The following DCC variants were observed in gnomAD, a reference collection of about 807,000 sequenced individuals.
DCC encodes netrin receptor DCC.
DCC carries 58 observed loss-of-function variants against 172.5 expected under a neutral mutation model. The observed-to-expected ratio is 0.34, with a 90% CI of 0.27 to 0.42. The LOEUF (loss-of-function observed/expected upper bound fraction) is 0.42, where lower values mean the gene tolerates loss of function less well. Ranked by LOEUF, DCC falls within the 10% of genes least tolerant of loss-of-function variation. The pLI is 1.00. For missense variants in DCC, 1,740 were observed against 1,791.0 expected (o/e 0.97, Z 0.51); for synonymous variants, 709 against 644.5 (o/e 1.10, Z -1.52).
chr18:53,406,399 A>G (rs564629262), intron 19 of DCC, among the ~76,000 whole-genome samples: 8 of 98,996 alleles, frequency 8.1e-5, no homozygotes, highest in African/African-American at 1.6e-4. Flanking sequence ...AGGGATTCTG[A>G]GGTTTAAAAA....
intron 8 of DCC, among the ~76,000 whole-genome samples, chr18:53,173,218 T>C (rs1476565719): frequency 6.6e-6 from 1 of 152,078 alleles, no homozygotes; most frequent in South Asian, 2.1e-4. Flanking sequence ...TTTCTTAGCC[T>C]TACCTACTTT....
In DCC at chr18:53,361,954, T is replaced by C. The variant is rs563526480; in HGVS notation, c.2359+22047T>C. Among the ~76,000 whole-genome samples, 48 of 152,290 alleles carry C rather than the reference T, an allele frequency of 3.2e-4. 1 individual carries two copies. The South Asian group carries it at 8.9e-3, about 28-fold the overall frequency. ...TCTGAGCAGACATTAGGGAATTCTA[T>C]AAAAGTATTGGACAAAACAGTACTT... is the stretch of plus-strand genomic sequence containing the variant. On this transcript the variant is annotated intron_variant, in intron 15 of 28. Coordinates refer to ENST00000442544, the MANE Select transcript of DCC (RefSeq NM_005215.4).
intron 1 of DCC, among the ~76,000 whole-genome samples, chr18:52,653,425 G>C (rs546378524): frequency 9.9e-5 from 15 of 152,146 alleles, no homozygotes; most frequent in South Asian, 4.1e-4. Flanking sequence ...AAAATTCTAT[G>C]TGGCAAGAAA....
At chr18:52,465,216 C>T (rs1020290534) in intron 1 of DCC, among the ~76,000 whole-genome samples, 5 of 152,068 alleles carry the variant, frequency 3.3e-5, no homozygotes, top group African/African-American at 1.2e-4. Context: ...TAGTAAAGTA[C>T]TAGAAATTGC....
chr18:52,543,817 A>G (rs1319847072), intron 1 of DCC, among the ~76,000 whole-genome samples: 1 of 152,194 alleles, frequency 6.6e-6, no homozygotes, highest in Non-Finnish European at 1.5e-5. Flanking sequence ...CATTGAGCTG[A>G]GCATCCTGTT....
chr18:52,581,089 A>G (rs1220755131), intron 1 of DCC, among the ~76,000 whole-genome samples: 1 of 152,194 alleles, frequency 6.6e-6, no homozygotes, highest in Non-Finnish European at 1.5e-5. Flanking sequence ...GCCATCAATT[A>G]TAACTTACAT....
At chr18:53,516,104 A>G (rs908950342) in intron 27 of DCC, among the ~76,000 whole-genome samples, 8 of 149,264 alleles carry the variant, frequency 5.4e-5, no homozygotes, top group African/African-American at 2.1e-4. Context: ...AAACAGAGAT[A>G]TAGATCAATG....
At chr18:52,760,619 C>T (rs75292330) in intron 2 of DCC, among the ~76,000 whole-genome samples, 4,886 of 152,226 alleles carry the variant, frequency 0.032, 116 homozygotes, top group Non-Finnish European at 0.046. Flanking sequence ...TTATACAATT[C>T]TGATGAAATA....
At chr18:52,761,919 A>G (rs866614206) in intron 2 of DCC, among the ~76,000 whole-genome samples, 1 of 139,812 alleles carries the variant, frequency 7.2e-6, no homozygotes, top group Admixed American at 7.2e-5. Context: ...AAAAAAAAAA[A>G]AAAAAAGAAA....
chr18:52,794,315 C>T (rs1303723216), intron 2 of DCC, among the ~76,000 whole-genome samples: 2 of 151,776 alleles, frequency 1.3e-5, no homozygotes, highest in Non-Finnish European at 2.9e-5. Context: ...TTTACGTTTG[C>T]TTGTGTCTTC....
At chr18:53,482,152 T>G (rs912519960) in intron 25 of DCC, among the ~76,000 whole-genome samples, 4 of 152,100 alleles carry the variant, frequency 2.6e-5, no homozygotes, top group Admixed American at 6.6e-5. Context: ...TACCTAATGT[T>G]TTATCCAACT....
intron 2 of DCC, among the ~76,000 whole-genome samples, chr18:52,839,600 A>T (rs190263080): frequency 6.6e-6 from 1 of 152,182 alleles, no homozygotes; most frequent in African/African-American, 2.4e-5. Context: ...TATTAAATAC[A>T]TATTTAAGGC....
At chr18:52,795,250 A>G (rs1042095858) in intron 2 of DCC, among the ~76,000 whole-genome samples, 14 of 152,064 alleles carry the variant, frequency 9.2e-5, no homozygotes, top group Non-Finnish European at 1.9e-4. Flanking sequence ...AAAGCCATTC[A>G]GTCCTGAACT....
In DCC at chr18:53,386,125, C is replaced by G. The variant is rs3764495; in HGVS notation, c.2442C>G (p.Thr814=). 1 of 1,606,480 alleles carries G rather than the reference C, an allele frequency of 6.2e-7. No individual in the cohort carries two copies. The highest frequency in any genetic ancestry group is 1.3e-5 in the African/African-American group (1 of 74,826). The change falls in exon 16 of 29, where the codon ACC becomes ACG. Residue 814 remains threonine (T), a synonymous_variant. Transcript: ENST00000442544. ...EGVPLYESAT[T]RSITDPTDPV... ...TTCCTCTTTATGAAAGTGCCACCAC[C>G]AGGTCTATAACCGGTAAGTGAAATT...
At chr18:52,774,052 G>A (rs959864223) in intron 2 of DCC, among the ~76,000 whole-genome samples, 1 of 152,170 alleles carries the variant, frequency 6.6e-6, no homozygotes, top group Non-Finnish European at 1.5e-5. Context: ...TGTAACAGGG[G>A]CCCCAGATGC....
chr18:53,394,266 A>C (rs12965919), intron 17 of DCC, among the ~76,000 whole-genome samples: 32,102 of 152,080 alleles, frequency 0.21, 3,999 homozygotes, highest in East Asian at 0.32. Context: ...CTGTAAAAAC[A>C]ATGAGATTCT....
intron 4 of DCC, 71 bp from the exon 5 acceptor site, chr18:52,925,163 T>A: frequency 6.8e-7 from 1 of 1,462,920 alleles, no homozygotes; most frequent in Non-Finnish European, 9.6e-7. Context: ...TGGAGGTCAT[T>A]TAAAGCTCTG....
intron 1 of DCC, among the ~76,000 whole-genome samples, chr18:52,455,553 G>A (rs1386052722): frequency 1.3e-5 from 2 of 152,120 alleles, no homozygotes; most frequent in African/African-American, 2.4e-5. Flanking sequence ...AATCAAATTT[G>A]GCCAGTGGCC....
At chr18:52,550,573 C>A (rs2032742131) in intron 1 of DCC, among the ~76,000 whole-genome samples, 1 of 151,916 alleles carries the variant, frequency 6.6e-6, no homozygotes, top group Non-Finnish European at 1.5e-5. Flanking sequence ...CAATACTGCC[C>A]CCTGACACAC....
Sources: gnomAD v4.1 joint callset for allele counts (sites outside exome capture counted in the v4.1 genomes callset) on GRCh38, gnomAD v4.1.1 for gene constraint, MANE v1.5 for transcripts, NCBI Gene and HGNC (gene_info 2026-07-23, HGNC 2026-07-21) for gene names.